The following MAP3K5 variants were observed in gnomAD, a reference collection of about 807,000 sequenced individuals.
MAP3K5 encodes the protein mitogen-activated protein kinase kinase kinase 5, also known as ASK-1.
MAP3K5 carries 56 observed loss-of-function variants against 158.7 expected under a neutral mutation model. The observed-to-expected ratio is 0.35, with a 90% CI of 0.28 to 0.44. The LOEUF (loss-of-function observed/expected upper bound fraction) is 0.44. Among genes scored for constraint, MAP3K5 ranks in the 20% least tolerant of loss-of-function variants. The probability of loss-of-function intolerance (pLI) is 1.00; values close to 1 mark genes in which losing one functional copy is unlikely to be tolerated. For missense variants in MAP3K5, 1,294 were observed against 1,674.8 expected (o/e 0.77, Z 3.97); for synonymous variants, 579 against 601.7 (o/e 0.96, Z 0.55).
chr6:136,636,670 C>T lies in MAP3K5; in HGVS notation c.2016+655G>A, dbSNP rs193162169. ...AAAGTAGGTGTCCAGCAGTCGGGTG[C>T]GGTGGCTCACGCCTGTAATTCTAGT... On this transcript the variant is annotated intron_variant, in intron 14 of 29. Transcript: ENST00000359015. Among the ~76,000 whole-genome samples the T allele has an allele frequency of 1.3e-3, 198 of 152,164 alleles. 2 individuals are homozygous for T. Among genetic ancestry groups the T allele is most frequent in the Non-Finnish European group, 5.0e-4 (34 of 67,982 alleles).
intron 14 of MAP3K5, among the ~76,000 whole-genome samples, chr6:136,631,022 C>T (rs951390677): frequency 3.9e-5 from 6 of 152,050 alleles, no homozygotes; most frequent in African/African-American, 1.5e-4. Flanking sequence ...TCGCTTGAGC[C>T]CAAGAGATAG....
chr6:136,699,976 C>G (rs944470689), intron 3 of MAP3K5, among the ~76,000 whole-genome samples: 12 of 152,044 alleles, frequency 7.9e-5, no homozygotes, highest in Admixed American at 3.3e-4. Flanking sequence ...CGCCCTTAAT[C>G]CCAGCTACTC....
intron 12 of MAP3K5, 24 bp from the exon 13 acceptor site, chr6:136,639,662 A>T (rs764451409): frequency 3.3e-6 from 4 of 1,212,972 alleles, no homozygotes; most frequent in Non-Finnish European, 4.8e-6. Flanking sequence ...ACAAAAAGGC[A>T]TTATTCAGAG....
At chr6:136,670,250 C>T (rs1205918358) in intron 7 of MAP3K5, among the ~76,000 whole-genome samples, 1 of 152,004 alleles carries the variant, frequency 6.6e-6, no homozygotes, top group Admixed American at 6.6e-5. Context: ...CAAGGTAATA[C>T]TTCCTAGGAT....
intron 1 of MAP3K5, among the ~76,000 whole-genome samples, chr6:136,753,922 C>T (rs1362008388): frequency 1.3e-5 from 2 of 152,096 alleles, no homozygotes; most frequent in Non-Finnish European, 2.9e-5. Flanking sequence ...CAGGTAGATG[C>T]GGGAAACTGA....
intron 25 of MAP3K5, among the ~76,000 whole-genome samples, chr6:136,576,751 T>C (rs1453228603): frequency 6.6e-6 from 1 of 152,220 alleles, no homozygotes; most frequent in East Asian, 1.9e-4. Context: ...GAACGTACAA[T>C]CATGTACGGT....
rs371021066 is a variant in MAP3K5 at position 136,612,550 on chromosome 6, T to C, written c.2415+570A>G. Among the ~76,000 whole-genome samples the C allele has an allele frequency of 2.1e-4, 32 of 152,352 alleles. 2 individuals carry two copies. The highest frequency in any genetic ancestry group is 9.6e-4 in the East Asian group (5 of 5,188). On this transcript the variant is annotated intron_variant, in intron 17 of 29. Coordinates refer to ENST00000359015, the MANE Select transcript of MAP3K5 (RefSeq NM_005923.4). ...ATTTTAGGGTACTAATATTAACTTA[T>C]TTTCAACAGTCCAGACTTTGTAAAA...
intron 7 of MAP3K5, among the ~76,000 whole-genome samples, chr6:136,669,900 T>TGTGC (rs1779407299): frequency 6.6e-6 from 1 of 151,080 alleles, no homozygotes; most frequent in Non-Finnish European, 1.5e-5. Context: ...TGTGTGTGTG[T>TGTGC]GTGTGTGTGT....
intron 1 of MAP3K5, among the ~76,000 whole-genome samples, chr6:136,758,105 G>C (rs1434630541): frequency 6.6e-6 from 1 of 152,100 alleles, no homozygotes; most frequent in Non-Finnish European, 1.5e-5. Flanking sequence ...TAGGCACTTT[G>C]GTAATTTAGG....
chr6:136,665,312 T>C (rs185717489), intron 8 of MAP3K5, among the ~76,000 whole-genome samples: 4 of 152,156 alleles, frequency 2.6e-5, no homozygotes, highest in African/African-American at 7.2e-5. Context: ...GGAAGAATAA[T>C]ACATTTACTA....
intron 11 of MAP3K5, among the ~76,000 whole-genome samples, chr6:136,644,295 A>C (rs943437194): frequency 5.9e-5 from 9 of 152,280 alleles, no homozygotes; most frequent in Admixed American, 6.5e-5. Flanking sequence ...AGGTGGAAGG[A>C]GGCCTCCCTC....
intron 1 of MAP3K5, among the ~76,000 whole-genome samples, chr6:136,754,434 C>T (rs1481576057): frequency 6.6e-6 from 1 of 151,750 alleles, no homozygotes; most frequent in Non-Finnish European, 1.5e-5. Context: ...AAGAAATTTG[C>T]CAGATGTGGT....
At chr6:136,682,495 T>C (rs1383989319) in intron 7 of MAP3K5, among the ~76,000 whole-genome samples, 2 of 152,204 alleles carry the variant, frequency 1.3e-5, no homozygotes, top group African/African-American at 4.8e-5. Context: ...ATGTAAAAAC[T>C]AAATCTTTAT....
chr6:136,701,451 T>C (rs1281644849), intron 3 of MAP3K5, among the ~76,000 whole-genome samples: 1 of 152,088 alleles, frequency 6.6e-6, no homozygotes, highest in African/African-American at 2.4e-5. Context: ...GATTTGAAAA[T>C]CAAGTATGCT....
In MAP3K5 at chr6:136,791,976, G is replaced by A. The variant is rs1374384413; in HGVS notation, c.182C>T (p.Ala61Val). 5.0e-6 allele frequency: 8 copies of A among 1,608,262 alleles called. No homozygotes were observed. The highest frequency in any genetic ancestry group is 1.3e-5 in the African/African-American group (1 of 74,868). The change falls in exon 1 of 30, where the codon GCT becomes GTT. Residue 61 changes from alanine (A) to valine (V), a missense_variant. Ala to Val is a moderately conservative substitution (Grantham distance 64, BLOSUM62 0). Coordinates refer to ENST00000359015, the MANE Select transcript of MAP3K5 (RefSeq NM_005923.4). ...PGSFWNVESA[A>V]APGIGCPAAT... The stretch of plus-strand genomic sequence containing the variant: ...CGCCGGACAACCGATGCCAGGGGCA[G>A]CGGCGCTCTCCACGTTCCAGAAGCT...
chr6:136,566,917 G>T (rs543186530), intron 26 of MAP3K5, among the ~76,000 whole-genome samples: 1 of 151,932 alleles, frequency 6.6e-6, no homozygotes, highest in South Asian at 2.1e-4. Context: ...TTATTGATTC[G>T]CTTAAAAAAA....
At chr6:136,720,696 G>T in intron 1 of MAP3K5, 107 bp from the exon 2 acceptor site, 3 of 763,508 alleles carry the variant, frequency 3.9e-6, no homozygotes, top group Non-Finnish European at 6.2e-6. Flanking sequence ...ATAAGGAAAC[G>T]ATAGGGATTT....
intron 1 of MAP3K5, among the ~76,000 whole-genome samples, chr6:136,721,063 G>T (rs1781727900): frequency 1.3e-5 from 2 of 152,080 alleles, no homozygotes; most frequent in Admixed American, 1.3e-4. Flanking sequence ...ACAGGTGTGA[G>T]CCACCATGCC....
At chr6:136,731,927 A>G (rs1028565611) in intron 1 of MAP3K5, among the ~76,000 whole-genome samples, 4 of 152,216 alleles carry the variant, frequency 2.6e-5, no homozygotes, top group African/African-American at 7.2e-5. Context: ...TAGTGTTAGA[A>G]TGGTGTACTT....
Sources: gnomAD v4.1 joint callset for allele counts (sites outside exome capture counted in the v4.1 genomes callset) on GRCh38, gnomAD v4.1.1 for gene constraint, MANE v1.5 for transcripts, NCBI Gene and HGNC (gene_info 2026-07-23, HGNC 2026-07-21) for gene names.